PCDHA3: variants seen among roughly 807,000 people sequenced by gnomAD.
PCDHA3 encodes protocadherin alpha-3.
In PCDHA3, 41 loss-of-function variants were observed where a neutral mutation model predicts 62.2. The ratio of observed to expected loss-of-function variants is 0.66; its 90% CI spans 0.51 to 0.86. PCDHA3 has a LOEUF of 0.86. Among genes scored for constraint, PCDHA3 ranks in the 40% least tolerant of loss-of-function variants. PCDHA3 has a pLI of 0.00. For synonymous variants in PCDHA3, 640 were observed against 555.4 expected, an observed-to-expected ratio of 1.15 and a Z score of -2.14; for missense variants, 1,304 against 1,241.2, an observed-to-expected ratio of 1.05 and a Z score of -0.76.
intron 1 of PCDHA3, among the ~76,000 whole-genome samples, chr5:140,944,359 T>C (rs1248806355): frequency 6.6e-6 from 1 of 152,092 alleles, no homozygotes; most frequent in African/African-American, 2.4e-5. Context: ...GGCTAATTTT[T>C]AATTTTTTAT....
At chr5:140,895,677 G>T (rs1554186594) in intron 1 of PCDHA3, among the ~76,000 whole-genome samples, 2 of 151,984 alleles carry the variant, frequency 1.3e-5, no homozygotes, top group African/African-American at 4.8e-5. Flanking sequence ...GTAGTATTTG[G>T]TTTTCTGTTT....
At position 140,801,703 on chromosome 5, in the gene PCDHA3, C is replaced by T; in HGVS notation, c.506C>T (p.Thr169Ile). ...DADIGTNSLL[T>I]YSLDSTEYFT... Reference sequence around the variant, plus strand: ...GATATCGGAACAAATTCGTTGTTGACTTACAGTCTTGATTCCACTGAATAT... The same window carrying T: ...GATATCGGAACAAATTCGTTGTTGATTTACAGTCTTGATTCCACTGAATAT... Residue 169 changes from threonine (T) to isoleucine (I), a missense_variant, in exon 1 of 4, where the codon ACT becomes ATT. Coordinates refer to ENST00000522353, the MANE Select transcript of PCDHA3 (RefSeq NM_018906.3). The T allele has an allele frequency of 1.2e-6, 2 of 1,614,138 alleles. No homozygotes were observed. The highest frequency in any genetic ancestry group is 1.7e-6 in the Non-Finnish European group (2 of 1,180,040).
At chr5:140,906,914 GC>G (rs2073038837) in intron 1 of PCDHA3, among the ~76,000 whole-genome samples, 1 of 152,182 alleles carries the variant, frequency 6.6e-6, no homozygotes, top group Admixed American at 6.5e-5. Context: ...GGTAGGAGGA[GC>G]CCAAAAAGTG....
intron 1 of PCDHA3, chr5:140,966,920 C>G: frequency 6.2e-7 from 1 of 1,602,674 alleles, no homozygotes; most frequent in Non-Finnish European, 8.5e-7. Flanking sequence ...GCCAGAGGAG[C>G]AGGCACCCGG....
chr5:140,991,033 TACTTA>T (rs567583919), intron 3 of PCDHA3, among the ~76,000 whole-genome samples: 53 of 152,330 alleles, frequency 3.5e-4, no homozygotes, highest in African/African-American at 1.3e-3. Context: ...ATATGTTGCA[TACTTA>T]ACTTTGAGAG....
intron 1 of PCDHA3, chr5:140,830,124 C>A (rs1490985098): frequency 9.3e-6 from 15 of 1,613,462 alleles, no homozygotes; most frequent in Non-Finnish European, 1.3e-5. Flanking sequence ...GCTCCAAAGG[C>A]GTCATCACGG....
In PCDHA3 at chr5:140,803,394, G is replaced by A; in HGVS notation, c.2197G>A (p.Gly733Arg). The A allele has an allele frequency of 6.2e-7, 1 of 1,614,250 alleles. No individual in the cohort carries two copies. The highest frequency in any genetic ancestry group is 8.5e-7 in the Non-Finnish European group (1 of 1,180,050). Residue 733 changes from glycine to arginine, a missense_variant, in exon 1 of 4, where the codon GGG becomes AGG. Transcript: ENST00000522353. ...CSAPPTEGDCGPGKPTLVCSS... is the reference protein window; with the variant it reads ...CSAPPTEGDCRPGKPTLVCSS... ...CGCGCCGCCAACCGAAGGCGACTGTGGGCCGGGCAAGCCCACGCTGGTGTG... is the reference window on the plus strand; with the variant it reads ...CGCGCCGCCAACCGAAGGCGACTGTAGGCCGGGCAAGCCCACGCTGGTGTG...
At position 140,926,799 on chromosome 5, in the gene PCDHA3, T is replaced by G. The variant is rs561004739; in HGVS notation, c.2395-52150T>G. Reference sequence around the variant, plus strand: ...AGTGACGGCCGGCAGGAGCGTGCTCTTCCCCGCGGCTCGTGCTCTCCAGGA... The same window carrying G: ...AGTGACGGCCGGCAGGAGCGTGCTCGTCCCCGCGGCTCGTGCTCTCCAGGA... On this transcript the variant is annotated intron_variant, in intron 1 of 3. Transcript: ENST00000522353. The G allele has an allele frequency of 1.6e-4, 230 of 1,456,322 alleles. 2 individuals carry two copies. The African/African-American group carries it at 2.6e-3, about 16-fold the overall frequency. The allele number at this position is 1,456,322 out of a possible 1,614,324, so 90.2% of individuals were successfully genotyped here.
At chr5:140,864,170 G>A (rs1301709115) in intron 1 of PCDHA3, 1 of 152,166 alleles carries the variant, frequency 6.6e-6, no homozygotes, top group Non-Finnish European at 1.5e-5. Context: ...TTACCGGAAG[G>A]ATCATGATGA....
chr5:140,838,055 C>A (rs1775397584), intron 1 of PCDHA3, among the ~76,000 whole-genome samples: 1 of 145,046 alleles, frequency 6.9e-6, no homozygotes, highest in African/African-American at 2.6e-5. Flanking sequence ...TTTTGGTTTT[C>A]CACTTTAAGT....
In PCDHA3 at chr5:140,911,791, C is replaced by G. The variant is rs567528220; in HGVS notation, c.2395-67158C>G. 3.9e-5 allele frequency among the ~76,000 whole-genome samples: 6 copies of G among 152,230 alleles called. No homozygotes were observed. The East Asian group carries it at 9.6e-4, about 24-fold the overall frequency. ...AGTACAGTCCTTAGCATTTTTGGGT[C>G]TAATCATATTAAGCAGCCTTCTCCA... On this transcript the variant is annotated intron_variant, in intron 1 of 3. Transcript: ENST00000522353.
intron 1 of PCDHA3, among the ~76,000 whole-genome samples, chr5:140,817,958 G>A (rs1371560808): frequency 6.6e-6 from 1 of 152,142 alleles, no homozygotes; most frequent in Non-Finnish European, 1.5e-5. Context: ...TTCAATTAGT[G>A]TGTCTTTTTT....
At position 140,827,909 on chromosome 5, in the gene PCDHA3, A is replaced by C. The variant is rs2150149733; in HGVS notation, c.2394+24318A>C. On this transcript the variant is annotated intron_variant, in intron 1 of 3. Transcript: ENST00000522353. ...ATTTCTTACCTTTTGGAGCCGCATGATGTCGCTGTCTACCATGAAGTTATA... is the reference window on the plus strand; with the variant it reads ...ATTTCTTACCTTTTGGAGCCGCATGCTGTCGCTGTCTACCATGAAGTTATA... 8.5e-6 allele frequency: 7 copies of C among 822,554 alleles called. No individual in the cohort carries two copies. In the East Asian group the frequency reaches 1.5e-4, roughly 17 times the overall value. The allele number at this position is 822,554 out of a possible 1,614,324, so 51.0% of individuals were successfully genotyped here. A position where few individuals can be genotyped will look rare whatever the true frequency, so the allele number is the denominator to read the frequency against.
intron 1 of PCDHA3, among the ~76,000 whole-genome samples, chr5:140,902,203 C>CTTTTT (rs148688132): frequency 5.6e-5 from 7 of 124,458 alleles, no homozygotes; most frequent in South Asian, 2.5e-4. Context: ...CTCTCTCTTT[C>CTTTTT]TTTTTTTTTT....
At chr5:140,823,542 G>A in intron 1 of PCDHA3, 1 of 1,613,852 alleles carries the variant, frequency 6.2e-7, no homozygotes, top group Non-Finnish European at 8.5e-7. Context: ...CGGGCCACGT[G>A]GTGGCGAAGG....
intron 1 of PCDHA3, among the ~76,000 whole-genome samples, chr5:140,920,380 T>C (rs1386655132): frequency 2.0e-5 from 3 of 152,246 alleles, no homozygotes; most frequent in Non-Finnish European, 4.4e-5. Flanking sequence ...TGTGGATTCA[T>C]ATTACCATCT....
intron 1 of PCDHA3, chr5:140,876,150 C>A (rs782752906): frequency 5.0e-6 from 8 of 1,613,798 alleles, no homozygotes; most frequent in Non-Finnish European, 2.5e-6. Context: ...CAGGGTCTGT[C>A]CAGATTCAAA....
chr5:140,831,211 A>G lies in PCDHA3; in HGVS notation c.2394+27620A>G, dbSNP rs2150192455. 5.9e-5 allele frequency: 9 copies of G among 152,346 alleles called. No individual in the cohort carries two copies. In the South Asian group the frequency reaches 1.9e-3, roughly 32 times the overall value. The allele number at this position is 152,346 out of a possible 1,614,324, so 9.4% of individuals were successfully genotyped here. ...TTAGACCTTGTGATCAAGTAAATTT[A>G]TATGAAAACTGCATTCCTCTGGCAT... On this transcript the variant is annotated intron_variant, in intron 1 of 3. Transcript: ENST00000522353.
chr5:140,870,956 G>T (rs1554164932), intron 1 of PCDHA3: 2 of 1,613,520 alleles, frequency 1.2e-6, no homozygotes, highest in East Asian at 2.2e-5. Flanking sequence ...GGCGGCTCGC[G>T]CATCCCGTTC....
Sources: gnomAD v4.1 joint callset for allele counts (sites outside exome capture counted in the v4.1 genomes callset) on GRCh38, gnomAD v4.1.1 for gene constraint, MANE v1.5 for transcripts, NCBI Gene and HGNC (gene_info 2026-07-23, HGNC 2026-07-21) for gene names.